DDX39A: variants seen among roughly 807,000 people sequenced by gnomAD.
DDX39A encodes DExD-box helicase 39A.
Under a neutral mutation model 46.3 loss-of-function variants are expected in DDX39A, and 13 were observed. That is an observed-to-expected ratio of 0.28 (90% CI 0.18 to 0.45). DDX39A has a LOEUF of 0.45. DDX39A is among the 20% of genes least tolerant of loss of function. DDX39A has a pLI of 1.00. For missense variants in DDX39A, 352 were observed against 581.8 expected (o/e 0.61, Z 4.06); for synonymous variants, 234 against 224.6 (o/e 1.04, Z -0.38).
rs2146383865 is a variant in DDX39A, at chr19:14,409,114, T to C, written c.1190A>G (p.Lys397Arg). 1 of 1,614,210 alleles carries C rather than the reference T, an allele frequency of 6.2e-7. No homozygotes were observed. The highest frequency in any genetic ancestry group is 8.5e-7 in the Non-Finnish European group (1 of 1,180,046). Residue 397 changes from lysine to arginine, a missense_variant, in exon 10 of 11, where the codon AAA (lysine) becomes AGA (arginine). This residue lies in a region of DDX39A where 301 missense variants were observed against 469.9 expected (regional missense o/e 0.64). Coordinates refer to ENST00000242776, the MANE Select transcript of DDX39A (RefSeq NM_005804.4). The surrounding 1 kb of genome is among the most constrained non-coding windows in gnomAD (Gnocchi z 8.3). The part of the protein sequence containing the change: ...ITFVSDENDA[K>R]ILNDVQDRFE... ...CCGGTCCTGGACGTCATTGAGGATT[T>C]TGGCATCATTCTCGTCAGACACAAA...
rs943693826 is a variant in DDX39A, at chr19:14,419,327, G to A, written c.-62C>T. 4.5e-6 allele frequency: 1 copy of A among 223,750 alleles called. No individual in the cohort carries two copies. The highest frequency in any genetic ancestry group is 9.3e-6 in the Non-Finnish European group (1 of 107,486). 13.9% of individuals were successfully genotyped at this position (223,750 alleles called of 1,614,324 possible). ...GAGACACTTCCAACTTCGGTTTTCC[G>A]CCGGGCGCTCAGACACGAGTTGCTG... On this transcript the variant is annotated 5_prime_UTR_variant, in exon 1 of 11. Transcript: ENST00000242776.
chr19:14,418,358 C>A (rs1287048047), intron 1 of DDX39A, among the ~76,000 whole-genome samples: 3 of 152,212 alleles, frequency 2.0e-5, no homozygotes, highest in African/African-American at 7.2e-5. Flanking sequence ...AACCCAGACA[C>A]GCCACGTGTA....
In DDX39A at chr19:14,410,016, A is replaced by C; in HGVS notation, c.733-143T>G. 1 of 1,195,886 alleles carries C rather than the reference A, an allele frequency of 8.4e-7. No homozygotes were observed. The highest frequency in any genetic ancestry group is 1.2e-6 in the Non-Finnish European group (1 of 814,472). 74.1% of individuals were successfully genotyped at this position (1,195,886 alleles called of 1,614,324 possible). A position where few individuals can be genotyped will look rare whatever the true frequency, so the allele number is the denominator to read the frequency against. Reference sequence around the variant, plus strand: ...CAGACCTCAGTAAACATCGCTCAAAAGCTGGATGTAAGCTCTGGCCCGACT... The same window carrying C: ...CAGACCTCAGTAAACATCGCTCAAACGCTGGATGTAAGCTCTGGCCCGACT... On this transcript the variant is annotated intron_variant, in intron 6 of 10. Transcript: ENST00000242776. The surrounding 1 kb of genome is among the most constrained non-coding windows in gnomAD (Gnocchi z 4.3).
rs148589157 is a variant in DDX39A at position 14,409,053 on chromosome 19, G to A, written c.1251C>T (p.Ile417=). 724 of 1,614,186 alleles carry A rather than the reference G, an allele frequency of 4.5e-4. 4 individuals carry two copies. In the African/African-American group the frequency reaches 8.3e-3, roughly 19 times the overall value. ...GGCACTTACTGTATGTGGAGATGTC[G>A]ATTTCCTCTGGAAGTTCTGCCACAT... The part of the protein sequence containing the change: ...EVNVAELPEE[I]DISTYIEQSR The change falls in exon 10 of 11, where the codon ATC becomes ATT. Residue 417 remains isoleucine, a synonymous_variant. Transcript: ENST00000242776. This position sits in a 1 kb window ranked among gnomAD's most constrained non-coding sequence, Gnocchi z 8.3.
intron 1 of DDX39A, among the ~76,000 whole-genome samples, chr19:14,414,256 A>G (rs1976710578): frequency 6.6e-6 from 1 of 151,856 alleles, no homozygotes; most frequent in Admixed American, 6.6e-5. Flanking sequence ...GAGGCAGTGA[A>G]TCCCACCAAG....
In DDX39A at chr19:14,412,826, G is replaced by A. The variant is rs919730327; in HGVS notation, c.209-148C>T. ...AGACACCTGCAGGGCTGGGGTATCC[G>A]CCTGGTCAAAGCAGAACGCCCCACT... On this transcript the variant is annotated intron_variant, in intron 2 of 10. Coordinates refer to ENST00000242776, the MANE Select transcript of DDX39A (RefSeq NM_005804.4). The surrounding 1 kb of genome is among the most constrained non-coding windows in gnomAD (Gnocchi z 4.4). 36 of 1,299,812 alleles carry A rather than the reference G, an allele frequency of 2.8e-5. No individual in the cohort carries two copies. Among genetic ancestry groups the A allele is most frequent in the Admixed American group, 2.0e-4 (8 of 40,488 alleles). 80.5% of individuals were successfully genotyped at this position (1,299,812 alleles called of 1,614,324 possible).
At position 14,412,041 on chromosome 19, in the gene DDX39A, C is replaced by T. The variant is rs1425035031; in HGVS notation, c.337-443G>A. On this transcript the variant is annotated intron_variant, in intron 3 of 10. Coordinates refer to ENST00000242776, the MANE Select transcript of DDX39A (RefSeq NM_005804.4). The surrounding 1 kb of genome is among the most constrained non-coding windows in gnomAD (Gnocchi z 4.4). Reference sequence around the variant, plus strand: ...TGCTCTGAGATAACGAGGGCACGGGCGCCAATATGAAGCCCAAAGATGTGC... The same window carrying T: ...TGCTCTGAGATAACGAGGGCACGGGTGCCAATATGAAGCCCAAAGATGTGC... Among the ~76,000 whole-genome samples, 7 of 152,152 alleles carry T rather than the reference C, an allele frequency of 4.6e-5. No homozygotes were observed. The highest frequency in any genetic ancestry group is 1.3e-4 in the Admixed American group (2 of 15,272).
chr19:14,414,318 C>G (rs1384298333), intron 1 of DDX39A, among the ~76,000 whole-genome samples: 1 of 145,206 alleles, frequency 6.9e-6, no homozygotes, highest in Non-Finnish European at 1.5e-5. Context: ...AAGCTGCTAT[C>G]ACCTGTTTTA....
chr19:14,417,610 T>C (rs1976863005), intron 1 of DDX39A, among the ~76,000 whole-genome samples: 1 of 152,174 alleles, frequency 6.6e-6, no homozygotes, highest in South Asian at 2.1e-4. Context: ...GTTGTGCACA[T>C]GTACCCTAAA....
chr19:14,417,669 AG>A (rs1976864743), intron 1 of DDX39A, among the ~76,000 whole-genome samples: 1 of 152,200 alleles, frequency 6.6e-6, no homozygotes. Flanking sequence ...CCTTCTATGT[AG>A]CAAAGGCTAA....
At position 14,411,208 on chromosome 19, in the gene DDX39A, ACACGGCCCAAGGCCCCAACCTG is replaced by A. The variant is rs1309878750; in HGVS notation, c.430-58_430-37del. 3 of 1,538,064 alleles carry A rather than the reference ACACGGCCCAAGGCCCCAACCTG, an allele frequency of 2.0e-6. No homozygotes were observed. The highest frequency in any genetic ancestry group is 1.2e-5 in the South Asian group (1 of 80,690). Reference sequence around the variant, plus strand: ...GAGGAGGAAACCGCTCCATGCTGATACACGGCCCAAGGCCCCAACCTGCACGGCCCAGCACCTGCGAACAGGA... The same window carrying A: ...GAGGAGGAAACCGCTCCATGCTGATACACGGCCCAGCACCTGCGAACAGGA... On this transcript the variant is annotated intron_variant, in intron 4 of 10. Coordinates refer to ENST00000242776, the MANE Select transcript of DDX39A (RefSeq NM_005804.4). This position sits in a 1 kb window ranked among gnomAD's most constrained non-coding sequence, Gnocchi z 4.1.
In DDX39A at chr19:14,412,696, C is replaced by T. The variant is rs117106249; in HGVS notation, c.209-18G>A. The T allele has an allele frequency of 9.3e-3, 14,830 of 1,590,902 alleles. 84 individuals are homozygous for T. Among genetic ancestry groups the T allele is most frequent in the Non-Finnish European group, 0.012 (13,682 of 1,172,604 alleles). On this transcript the variant is annotated intron_variant, in intron 2 of 10. Transcript: ENST00000242776. The surrounding 1 kb of genome is among the most constrained non-coding windows in gnomAD (Gnocchi z 4.4). ...ATGCTGGACTGCAGGAGAAGCAGAG[C>T]GTGAGGGACGAGAACCTGGATGCAC...
At position 14,408,941 on chromosome 19, in the gene DDX39A, G is replaced by A. The variant is rs1976418839; in HGVS notation, c.1279C>T (p.Arg427Trp). ...IDISTYIEQSR is the reference protein window; with the variant it reads ...IDISTYIEQSW The stretch of plus-strand genomic sequence containing the variant: ...GCGGCTCTGGCACGTGGTGGTTACC[G>A]GCTCTGCTCGACTGTAAGACATGAG... The change falls in exon 11 of 11, where the codon CGG (arginine) becomes TGG (tryptophan). Residue 427 changes from arginine to tryptophan, a missense_variant. Physicochemically the swap from Arg to Trp is moderately radical, Grantham distance 101 (BLOSUM62 -3). This residue lies in a region of DDX39A where 301 missense variants were observed against 469.9 expected (regional missense o/e 0.64). Coordinates refer to ENST00000242776, the MANE Select transcript of DDX39A (RefSeq NM_005804.4). 1.3e-6 allele frequency: 2 copies of A among 1,595,496 alleles called. No individual in the cohort carries two copies. The highest frequency in any genetic ancestry group is 1.7e-6 in the Non-Finnish European group (2 of 1,168,006).
chr19:14,408,829 A>G lies in DDX39A; in HGVS notation c.*107T>C. 2 of 1,461,558 alleles carry G rather than the reference A, an allele frequency of 1.4e-6. No homozygotes were observed. Among genetic ancestry groups the G allele is most frequent in the South Asian group, 2.8e-5 (2 of 70,260 alleles). 90.5% of individuals were successfully genotyped at this position (1,461,558 alleles called of 1,614,324 possible). A position where few individuals can be genotyped will look rare whatever the true frequency, so the allele number is the denominator to read the frequency against. ...GGGTGGGAGCCAGGCTTCCATAATA[A>G]CAAGTTTATTCTCATACAATCTCTA... On this transcript the variant is annotated 3_prime_UTR_variant, in exon 11 of 11. Transcript: ENST00000242776.
intron 1 of DDX39A, chr19:14,418,876 T>A (rs1976928670): frequency 2.2e-6 from 1 of 455,894 alleles, no homozygotes; most frequent in African/African-American, 2.0e-5. Context: ...AAGAAACCCC[T>A]GACAACTGAA....
At chr19:14,413,341 C>T (rs1053413776) in intron 1 of DDX39A, 117 bp from the exon 2 acceptor site, 55 of 910,128 alleles carry the variant, frequency 6.0e-5, no homozygotes, top group Non-Finnish European at 8.9e-5. Flanking sequence ...TCTACCTGGG[C>T]TGCACCTCGC....
At chr19:14,417,435 A>G (rs974456573) in intron 1 of DDX39A, among the ~76,000 whole-genome samples, 2 of 141,366 alleles carry the variant, frequency 1.4e-5, no homozygotes, top group East Asian at 2.2e-4. Context: ...AACCTGGACA[A>G]TAAGTCGAGA....
intron 1 of DDX39A, chr19:14,413,900 G>A (rs1486364728): frequency 6.6e-6 from 1 of 152,342 alleles, no homozygotes; most frequent in Non-Finnish European, 1.5e-5. Context: ...GTGCTCTCAT[G>A]AAAGGCCTCC....
intron 1 of DDX39A, chr19:14,418,920 C>CG: frequency 2.2e-6 from 1 of 456,272 alleles, no homozygotes; most frequent in Non-Finnish European, 4.4e-6. Flanking sequence ...CCCCAGACCC[C>CG]GGCGTCACCC....
Sources: allele counts gnomAD v4.1 joint callset (sites outside exome capture counted in the v4.1 genomes callset), GRCh38; gene constraint gnomAD v4.1.1; regional missense constraint gnomAD v4.1.1; non-coding constraint Gnocchi (gnomAD v3.1); transcripts MANE v1.5; gene names NCBI Gene and HGNC (gene_info 2026-07-23, HGNC 2026-07-21).